AP2A2: variants seen among roughly 807,000 people sequenced by gnomAD.
The protein encoded by AP2A2 is adaptor related protein complex 2 subunit alpha 2, also known as AP-2 complex subunit alpha-2.
Under a neutral mutation model 104.2 loss-of-function variants are expected in AP2A2, and 32 were observed. The ratio of observed to expected loss-of-function variants is 0.31; its 90% CI spans 0.23 to 0.41. The LOEUF (loss-of-function observed/expected upper bound fraction) is 0.41. Among genes scored for constraint, AP2A2 ranks in the 10% least tolerant of loss-of-function variants. AP2A2 has a pLI of 1.00. For missense variants in AP2A2, 912 were observed against 1,261.0 expected, an observed-to-expected ratio of 0.72 and a Z score of 4.19; for synonymous variants, 539 against 533.3, an observed-to-expected ratio of 1.01 and a Z score of -0.15.
chr11:1,007,166 G>T (rs1004772271), intron 17 of AP2A2: 2 of 154,972 alleles, frequency 1.3e-5, no homozygotes, highest in Non-Finnish European at 2.9e-5. Context: ...TAGAGTTAGC[G>T]TGAAGACCCC....
chr11:926,336 A>G (rs1477452282), intron 1 of AP2A2, among the ~76,000 whole-genome samples: 18 of 34,098 alleles, frequency 5.3e-4, no homozygotes, highest in Admixed American at 4.4e-4. Flanking sequence ...GGTATCGGGT[A>G]TGGGGGTGCG....
chr11:971,420 C>T (rs896745283), intron 3 of AP2A2, among the ~76,000 whole-genome samples: 1 of 152,126 alleles, frequency 6.6e-6, no homozygotes, highest in Non-Finnish European at 1.5e-5. Flanking sequence ...TCCCTCGTGG[C>T]GTCTTCCTGG....
At chr11:988,476 G>GCCGAGCCTGTC in intron 9 of AP2A2, 76 bp from the exon 10 acceptor site, 4 of 1,548,888 alleles carry the variant, frequency 2.6e-6, no homozygotes, top group Non-Finnish European at 3.5e-6. Context: ...AGATGCGGGT[G>GCCGAGCCTGTC]CCGAGCCTGT....
intron 2 of AP2A2, among the ~76,000 whole-genome samples, chr11:966,357 G>T (rs1210328198): frequency 6.6e-6 from 1 of 152,188 alleles, no homozygotes; most frequent in Admixed American, 6.5e-5. Context: ...AATTAGCCGT[G>T]TGTGGTTGCA....
chr11:963,598 A>G lies in AP2A2; in HGVS notation c.136+4093A>G, dbSNP rs562050525. Among the ~76,000 whole-genome samples the G allele has an allele frequency of 2.6e-5, 4 of 152,218 alleles. No homozygotes were observed. In the South Asian group the frequency reaches 8.3e-4, roughly 32 times the overall value. On this transcript the variant is annotated intron_variant, in intron 2 of 21. Transcript: ENST00000448903. ...GTGTGAGCACTGCTGATTTAGAGCAACCCTTCTGTTGAAAACAGTTGATCA... is the reference window on the plus strand; with the variant it reads ...GTGTGAGCACTGCTGATTTAGAGCAGCCCTTCTGTTGAAAACAGTTGATCA...
chr11:985,319 A>G (rs2133708120), intron 7 of AP2A2, 116 bp from the exon 8 acceptor site: 1 of 1,349,510 alleles, frequency 7.4e-7, no homozygotes, highest in East Asian at 2.3e-5. Flanking sequence ...CTGGGTACAC[A>G]AATGTGAATG....
intron 9 of AP2A2, among the ~76,000 whole-genome samples, chr11:987,377 C>T (rs573990451): frequency 1.1e-4 from 17 of 152,124 alleles, no homozygotes; most frequent in African/African-American, 3.6e-4. Context: ...GGGCCGGGCG[C>T]GGTGGCTGAC....
Position 992,463 on chromosome 11 carries a change from G to C in AP2A2, c.1270-40G>C. On this transcript the variant is annotated intron_variant, in intron 10 of 21. Transcript: ENST00000448903. The surrounding 1 kb of genome is among the most constrained non-coding windows in gnomAD (Gnocchi z 6.4). ...GACAGTTTGGTCTTGGGATTGCCAT[G>C]GCCTGCAGGTGCCGGCCCTCAGCAG... is the stretch of plus-strand genomic sequence containing the variant. 4.5e-6 allele frequency: 7 copies of C among 1,553,686 alleles called. No homozygotes were observed. Among genetic ancestry groups the C allele is most frequent in the Non-Finnish European group, 5.2e-6 (6 of 1,147,658 alleles).
chr11:951,987 G>A (rs1006416544), intron 1 of AP2A2, among the ~76,000 whole-genome samples: 7 of 151,924 alleles, frequency 4.6e-5, no homozygotes, highest in Non-Finnish European at 8.8e-5. Context: ...CCCCACCTCA[G>A]CCTCCCTAGT....
rs1856439702 is a variant in AP2A2, at chr11:1,011,737, A to T, written c.*1112A>T. The T allele has an allele frequency of 9.0e-6, 3 of 332,084 alleles. No homozygotes were observed. Among genetic ancestry groups the T allele is most frequent in the South Asian group, 6.8e-5 (3 of 43,890 alleles). 20.6% of individuals were successfully genotyped at this position (332,084 alleles called of 1,614,324 possible). On this transcript the variant is annotated 3_prime_UTR_variant, in exon 22 of 22. Transcript: ENST00000448903. ...TGGCTTCCTGACATGCTGTGGAGGC[A>T]GGGAGGGTGGGTGGCCACATGTGCT...
chr11:951,384 G>A (rs1278707483), intron 1 of AP2A2, among the ~76,000 whole-genome samples: 1 of 152,082 alleles, frequency 6.6e-6, no homozygotes, highest in African/African-American at 2.4e-5. Flanking sequence ...AAAATTAGCT[G>A]GGCGTAGTGG....
At chr11:977,041 A>C in intron 4 of AP2A2, 54 bp from the exon 5 acceptor site, 3 of 1,608,234 alleles carry the variant, frequency 1.9e-6, no homozygotes, top group Non-Finnish European at 2.5e-6. Flanking sequence ...TGCTCCGTGC[A>C]GCTCTGCGCT....
chr11:935,603 GTTTTTTTTTT>G (rs757190222), intron 1 of AP2A2, among the ~76,000 whole-genome samples: 2 of 77,988 alleles, frequency 2.6e-5, no homozygotes, highest in African/African-American at 4.7e-5. Context: ...TGCCCGGCCA[GTTTTTTTTTT>G]TTTTTTTTTT....
At position 1,006,482 on chromosome 11, in the gene AP2A2, A is replaced by C. The variant is rs758843373; in HGVS notation, c.2207-46A>C. The C allele has an allele frequency of 8.4e-6, 11 of 1,304,024 alleles. 1 individual carries two copies. In the South Asian group the frequency reaches 1.3e-4, roughly 16 times the overall value. The allele number at this position is 1,304,024 out of a possible 1,614,324, so 80.8% of individuals were successfully genotyped here. On this transcript the variant is annotated intron_variant, in intron 16 of 21. Coordinates refer to ENST00000448903, the MANE Select transcript of AP2A2 (RefSeq NM_012305.4). ...GTTTTTCAGGGTAAATATTCAGGGT[A>C]AGTGTGAAATGGTGTGTGTGAAAAA...
chr11:950,725 G>A (rs115896698), intron 1 of AP2A2, among the ~76,000 whole-genome samples: 21 of 152,084 alleles, frequency 1.4e-4, no homozygotes, highest in African/African-American at 3.6e-4. Flanking sequence ...TTTGAAAACC[G>A]TGTACCTGAT....
At chr11:977,589 A>G (rs1855091664) in intron 5 of AP2A2, among the ~76,000 whole-genome samples, 1 of 149,184 alleles carries the variant, frequency 6.7e-6, no homozygotes, top group Non-Finnish European at 1.5e-5. Flanking sequence ...CCTCGTGCCT[A>G]CTCCACGGGC....
rs372004791 is a variant in AP2A2 at position 993,402 on chromosome 11, C to A, written c.1550+21C>A. 20 of 1,585,826 alleles carry A rather than the reference C, an allele frequency of 1.3e-5. No homozygotes were observed. Among genetic ancestry groups the A allele is most frequent in the Non-Finnish European group, 1.4e-5 (16 of 1,167,296 alleles). On this transcript the variant is annotated intron_variant, in intron 12 of 21. Coordinates refer to ENST00000448903, the MANE Select transcript of AP2A2 (RefSeq NM_012305.4). This position sits in a 1 kb window ranked among gnomAD's most constrained non-coding sequence, Gnocchi z 8.2. ...TCCAGGTGAGAGGCCCTTTGCGAGT[C>A]GGGGCTGTGTGCGCTCCGGCGGGCC...
intron 1 of AP2A2, among the ~76,000 whole-genome samples, chr11:932,194 C>A (rs1440595685): frequency 6.6e-6 from 1 of 152,188 alleles, no homozygotes; most frequent in Admixed American, 6.5e-5. Flanking sequence ...CTCAAGTGAT[C>A]CACCTGCCTC....
intron 17 of AP2A2, chr11:1,007,280 G>A (rs1194766971): frequency 2.0e-5 from 3 of 153,482 alleles, no homozygotes; most frequent in African/African-American, 7.2e-5. Flanking sequence ...ACATGAACAT[G>A]TTTTAATGCA....
Sources: gnomAD v4.1 joint callset for allele counts (sites outside exome capture counted in the v4.1 genomes callset) on GRCh38, gnomAD v4.1.1 for gene constraint, Gnocchi (gnomAD v3.1) non-coding constraint, MANE v1.5 for transcripts, NCBI Gene and HGNC (gene_info 2026-07-23, HGNC 2026-07-21) for gene names.